Variants in TAF4 observed in about 807,000 individuals in gnomAD.
TAF4 encodes TATA-box binding protein associated factor 4.
In TAF4, 9 loss-of-function variants were observed where a neutral mutation model predicts 90.3. The observed-to-expected ratio is 0.10, with a 90% confidence interval of 0.06 to 0.17. The LOEUF is 0.17. Ranked by LOEUF, TAF4 falls within the 10% of genes least tolerant of loss-of-function variation. The pLI is 1.00. For missense variants in TAF4, 1,351 were observed against 1,370.7 expected (o/e 0.99, Z 0.23); for synonymous variants, 818 against 638.9 (o/e 1.28, Z -4.23).
At chr20:61,996,912 G>C (rs895785805) in intron 14 of TAF4, among the ~76,000 whole-genome samples, 1 of 151,914 alleles carries the variant, frequency 6.6e-6, no homozygotes, top group Non-Finnish European at 1.5e-5. Context: ...TCTCCTTCAA[G>C]CCAAAAGGAA....
At chr20:61,990,450 C>T (rs2055624196) in intron 14 of TAF4, among the ~76,000 whole-genome samples, 1 of 152,200 alleles carries the variant, frequency 6.6e-6, no homozygotes, top group African/African-American at 2.4e-5. Context: ...CACAGCAAAA[C>T]CAAAAGCCAG....
intron 1 of TAF4, among the ~76,000 whole-genome samples, chr20:62,044,421 GAAAC>G (rs1283087363): frequency 6.6e-6 from 1 of 151,878 alleles, no homozygotes; most frequent in Non-Finnish European, 1.5e-5. Context: ...AATACAAAAT[GAAAC>G]AAAAAAAGTA....
chr20:62,055,019 C>A (rs377110627), intron 1 of TAF4, among the ~76,000 whole-genome samples: 1 of 152,216 alleles, frequency 6.6e-6, no homozygotes, highest in Non-Finnish European at 1.5e-5. Flanking sequence ...GCCACAACCA[C>A]CCCCACATTC....
intron 1 of TAF4, among the ~76,000 whole-genome samples, chr20:62,031,582 C>A (rs564807658): frequency 3.3e-5 from 5 of 152,164 alleles, no homozygotes; most frequent in Middle Eastern, 3.2e-3. Flanking sequence ...CAACTCTGTG[C>A]CCACCTCCCA....
At chr20:62,055,680 G>C (rs1268408764) in intron 1 of TAF4, among the ~76,000 whole-genome samples, 2 of 152,238 alleles carry the variant, frequency 1.3e-5, no homozygotes, top group African/African-American at 2.4e-5. Context: ...CCTGGATACA[G>C]GTCCCAGCTG....
intron 14 of TAF4, among the ~76,000 whole-genome samples, chr20:61,978,038 C>T (rs1269804807): frequency 6.6e-6 from 1 of 151,492 alleles, no homozygotes; most frequent in African/African-American, 2.4e-5. Flanking sequence ...CAAGGGAGGG[C>T]ACGAGACCAA....
intron 12 of TAF4, among the ~76,000 whole-genome samples, chr20:61,998,399 T>C (rs1024955067): frequency 2.6e-5 from 4 of 152,124 alleles, no homozygotes; most frequent in African/African-American, 7.2e-5. Context: ...GTCAGTAACA[T>C]TTGGATGTAA....
At chr20:61,990,733 C>T (rs1253808317) in intron 14 of TAF4, among the ~76,000 whole-genome samples, 1 of 152,176 alleles carries the variant, frequency 6.6e-6, no homozygotes, top group Non-Finnish European at 1.5e-5. Context: ...TGAATCAGTA[C>T]TGAGCAGGAC....
chr20:62,041,164 G>C (rs924627206), intron 1 of TAF4, among the ~76,000 whole-genome samples: 8 of 152,216 alleles, frequency 5.3e-5, no homozygotes, highest in African/African-American at 1.7e-4. Flanking sequence ...TTCCCGTCCA[G>C]GGCTGTGGGC....
intron 1 of TAF4, among the ~76,000 whole-genome samples, chr20:62,048,750 G>A (rs1023063835): frequency 6.8e-6 from 1 of 148,062 alleles, no homozygotes; most frequent in African/African-American, 2.5e-5. Flanking sequence ...GCCCACCTTG[G>A]TCACCAGGCT....
At chr20:61,988,541 T>TA (rs1229147029) in intron 14 of TAF4, among the ~76,000 whole-genome samples, 6 of 152,028 alleles carry the variant, frequency 3.9e-5, no homozygotes, top group African/African-American at 1.5e-4. Context: ...AAGTAAAAGT[T>TA]AAAAAAAGAA....
At chr20:61,995,755 G>C (rs1600832496) in intron 14 of TAF4, among the ~76,000 whole-genome samples, 1 of 64,514 alleles carries the variant, frequency 1.6e-5, no homozygotes, top group South Asian at 4.4e-4. Flanking sequence ...CCCAGCTACT[G>C]GGGAGGCTGA....
chr20:61,986,375 A>C (rs141230627), intron 14 of TAF4, among the ~76,000 whole-genome samples: 2 of 79,990 alleles, frequency 2.5e-5, no homozygotes, highest in South Asian at 3.8e-4. Context: ...CACCATCCCC[A>C]ATCAAAGGAA....
chr20:62,012,071 G>A (rs1290497094), intron 3 of TAF4: 1 of 152,290 alleles, frequency 6.6e-6, no homozygotes, highest in Non-Finnish European at 1.5e-5. Context: ...GAGCTGTCAG[G>A]AGCATCAGCA....
rs147470558 is a variant in TAF4, at chr20:62,006,219, C to T, written c.2223+291G>A. The T allele has an allele frequency of 1.1e-3, 345 of 305,440 alleles. 3 individuals carry two copies. Among genetic ancestry groups the T allele is most frequent in the African/African-American group, 6.7e-3 (311 of 46,714 alleles). The allele number at this position is 305,440 out of a possible 1,614,324, so 18.9% of individuals were successfully genotyped here. A position where few individuals can be genotyped will look rare whatever the true frequency, so the allele number is the denominator to read the frequency against. ...ATCTATCTACAAGATCCTCTAAAAG[C>T]ACGCTGCATTCATTTACACCAGTAA... is the stretch of plus-strand genomic sequence containing the variant. On this transcript the variant is annotated intron_variant, in intron 7 of 14. Transcript: ENST00000252996. The surrounding 1 kb of genome is among the most constrained non-coding windows in gnomAD (Gnocchi z 7.0).
rs567429486 is a variant in TAF4 at position 62,032,479 on chromosome 20, C to T, written c.1361-17772G>A. Among the ~76,000 whole-genome samples the T allele has an allele frequency of 7.9e-5, 12 of 152,356 alleles. No individual in the cohort carries two copies. In the South Asian group the frequency reaches 2.5e-3, roughly 32 times the overall value. ...AGTGCCAGTGGCAAGAAGAGGAGCT[C>T]GGGGCCACAGGCAGCGCCTGCTGTC... On this transcript the variant is annotated intron_variant, in intron 1 of 14. Transcript: ENST00000252996.
intron 1 of TAF4, among the ~76,000 whole-genome samples, chr20:62,041,813 T>C (rs944262097): frequency 1.3e-5 from 2 of 150,808 alleles, no homozygotes; most frequent in Non-Finnish European, 3.0e-5. Context: ...GTGGCTGTAG[T>C]TGCAGCTACT....
chr20:62,014,583 G>A lies in TAF4; in HGVS notation c.1485C>T (p.Pro495=), dbSNP rs765636726. The A allele has an allele frequency of 6.2e-7, 1 of 1,613,374 alleles. No homozygotes were observed. Among genetic ancestry groups the A allele is most frequent in the Admixed American group, 1.7e-5 (1 of 59,920 alleles). The change falls in exon 2 of 15, where the codon CCC becomes CCT. Residue 495 remains proline, a synonymous_variant. Transcript: ENST00000252996. The stretch of plus-strand genomic sequence containing the variant: ...AGATCTGGACGGGAGGGGCACTTGT[G>A]GGGGTGGCAGGGCGAGGCGCCATGG... ...QTTMAPRPAT[P]TSAPPVQIST...
chr20:62,048,141 A>C (rs909620196), intron 1 of TAF4, among the ~76,000 whole-genome samples: 2 of 152,216 alleles, frequency 1.3e-5, no homozygotes, highest in East Asian at 3.9e-4. Context: ...TGCCGAGTCA[A>C]TTCCCTGTGG....
Sources: allele counts gnomAD v4.1 joint callset (sites outside exome capture counted in the v4.1 genomes callset), GRCh38; gene constraint gnomAD v4.1.1; non-coding constraint Gnocchi (gnomAD v3.1); transcripts MANE v1.5; gene names NCBI Gene and HGNC (gene_info 2026-07-23, HGNC 2026-07-21).